ZNF547: variants seen among roughly 807,000 people sequenced by gnomAD.
The protein encoded by ZNF547 is zinc finger protein 547.
A neutral mutation model predicts 7.7 loss-of-function variants in ZNF547; 4 were observed. The ratio of observed to expected loss-of-function variants is 0.52; its 90% CI spans 0.26 to 1.20. The LOEUF (loss-of-function observed/expected upper bound fraction) is 1.20, where lower values mean the gene tolerates loss of function less well. Among genes scored for constraint, ZNF547 ranks in the 50% most tolerant of loss-of-function variants. The probability of loss-of-function intolerance (pLI) is 0.14; values close to 1 mark genes in which losing one functional copy is unlikely to be tolerated. For missense variants in ZNF547, 449 were observed against 485.8 expected (o/e 0.92, Z 0.71); for synonymous variants, 166 against 166.2 (o/e 1.00, Z 0.01).
At chr19:57,376,685 A>G (rs1335971087) in intron 3 of ZNF547, among the ~76,000 whole-genome samples, 4 of 152,146 alleles carry the variant, frequency 2.6e-5, no homozygotes, top group South Asian at 2.1e-4. Flanking sequence ...CTCCTTTTAA[A>G]TCATGGAGGT....
intron 1 of ZNF547, 105 bp from the exon 2 acceptor site, chr19:57,368,439 T>G (rs2123013357): frequency 8.9e-4 from 892 of 1,005,176 alleles, no homozygotes; most frequent in Non-Finnish European, 1.3e-3. Context: ...ACAATCAACT[T>G]GAGATCAGTT....
At chr19:57,372,825 C>G (rs1157832723) in intron 3 of ZNF547, among the ~76,000 whole-genome samples, 5 of 152,122 alleles carry the variant, frequency 3.3e-5, no homozygotes, top group Admixed American at 2.6e-4. Flanking sequence ...CTGTCACAAT[C>G]AGATCTCTCT....
intron 1 of ZNF547, among the ~76,000 whole-genome samples, chr19:57,366,056 G>T (rs1333252688): frequency 7.0e-6 from 1 of 143,686 alleles, no homozygotes; most frequent in African/African-American, 2.6e-5. Flanking sequence ...GTAAAGACGG[G>T]ATTTCACCAT....
chr19:57,367,163 A>G (rs1259807676), intron 1 of ZNF547, among the ~76,000 whole-genome samples: 1 of 152,142 alleles, frequency 6.6e-6, no homozygotes, highest in African/African-American at 2.4e-5. Flanking sequence ...TTACATTAAC[A>G]TTTGTACTCA....
chr19:57,370,707 C>T (rs1172770125), intron 2 of ZNF547, among the ~76,000 whole-genome samples: 6 of 152,300 alleles, frequency 3.9e-5, no homozygotes, highest in Admixed American at 3.3e-4. Flanking sequence ...AACTGGCTGG[C>T]AGGAGAGGAT....
intron 1 of ZNF547, among the ~76,000 whole-genome samples, chr19:57,366,998 G>A (rs1407045754): frequency 6.6e-6 from 1 of 152,164 alleles, no homozygotes; most frequent in African/African-American, 2.4e-5. Flanking sequence ...TGTAAAATAG[G>A]AGGCTGGGAG....
chr19:57,377,985 TC>T lies in ZNF547; in HGVS notation c.1011del (p.Val338SerfsTer96). ...ATGTGGGAAATTCTTCAGCTTGAAA[TC>T]CGTCCTCATTCAACACCAAAGAGTT... Reference protein sequence around the residue: ...NECGKFFSLKSVLIQHQRVHT... With the variant: ...NECGKFFSLKXVLIQHQRVHT... On this transcript the variant is annotated frameshift_variant, in exon 4 of 4. Coordinates refer to ENST00000282282, the MANE Select transcript of ZNF547 (RefSeq NM_173631.4). LOFTEE classifies it low-confidence loss of function (END_TRUNC). 1 of 1,614,108 alleles carries T rather than the reference TC, an allele frequency of 6.2e-7. No homozygotes were observed. The highest frequency in any genetic ancestry group is 8.5e-7 in the Non-Finnish European group (1 of 1,179,992).
At chr19:57,374,767 A>C (rs998275042) in intron 3 of ZNF547, among the ~76,000 whole-genome samples, 10 of 152,094 alleles carry the variant, frequency 6.6e-5, no homozygotes, top group African/African-American at 2.2e-4. Context: ...AGCAAGAGTC[A>C]CCTTTACTCC....
At chr19:57,368,306 G>C in intron 1 of ZNF547, 1 of 515,810 alleles carries the variant, frequency 1.9e-6, no homozygotes, top group Middle Eastern at 5.0e-4. Context: ...AGTCCTATGA[G>C]GTGGGAGCCA....
intron 1 of ZNF547, chr19:57,364,471 G>C (rs1220841755): frequency 6.1e-6 from 2 of 327,844 alleles, no homozygotes; most frequent in African/African-American, 4.3e-5. Context: ...GGCCGGGCGT[G>C]GTGGCTCACG....
At position 57,379,089 on chromosome 19, in the gene ZNF547, CTT is replaced by C. The variant is rs2088558230; in HGVS notation, c.*905_*906del. 1 of 162,358 alleles carries C rather than the reference CTT, an allele frequency of 6.2e-6. No homozygotes were observed. Among genetic ancestry groups the C allele is most frequent in the Non-Finnish European group, 1.3e-5 (1 of 74,602 alleles). 10.1% of individuals were successfully genotyped at this position (162,358 alleles called of 1,614,324 possible). A position where few individuals can be genotyped will look rare whatever the true frequency, so the allele number is the denominator to read the frequency against. ...TATTTCTGACATCTATTCATGGACA[CTT>C]GGGTTACTTCTACCTCTGGCTATTG... is the stretch of plus-strand genomic sequence containing the variant. On this transcript the variant is annotated 3_prime_UTR_variant, in exon 4 of 4. Transcript: ENST00000282282.
Position 57,377,187 on chromosome 19 carries a change from G to A in ZNF547, c.211G>A (p.Val71Met). Residue 71 changes from valine (V) to methionine (M), a missense_variant, in exon 4 of 4, where the codon GTG becomes ATG. Physicochemically the swap from Val to Met is conservative, Grantham distance 21 (BLOSUM62 1). Transcript: ENST00000282282. Reference sequence around the variant, plus strand: ...TTTAGAGCCAGGTGTTTCTGTAGGAGTGTCACAGGTCATGGCTCCAAAGCC... The same window carrying A: ...TTTAGAGCCAGGTGTTTCTGTAGGAATGTCACAGGTCATGGCTCCAAAGCC... The part of the protein sequence containing the change: ...APLEPGVSVG[V>M]SQVMAPKPCL... 6.2e-7 allele frequency: 1 copy of A among 1,614,212 alleles called. No homozygotes were observed. The highest frequency in any genetic ancestry group is 8.5e-7 in the Non-Finnish European group (1 of 1,180,034).
Position 57,377,268 on chromosome 19 carries a change from G to C in ZNF547, c.292G>C (p.Asp98His). The change falls in exon 4 of 4, where the codon GAC becomes CAC. Residue 98 changes from aspartate (D) to histidine (H), a missense_variant. Coordinates refer to ENST00000282282, the MANE Select transcript of ZNF547 (RefSeq NM_173631.4). ...TGAGACATGTAGCTCACTTCTGAAG[G>C]ACATTCTGCGTCTGGCTGAGCATGA... is the stretch of plus-strand genomic sequence containing the variant. The part of the protein sequence containing the change: ...PCETCSSLLK[D>H]ILRLAEHDGT... 6.2e-7 allele frequency: 1 copy of C among 1,614,214 alleles called. No homozygotes were observed. The highest frequency in any genetic ancestry group is 8.5e-7 in the Non-Finnish European group (1 of 1,180,062).
chr19:57,365,745 G>T (rs1161038054), intron 1 of ZNF547, among the ~76,000 whole-genome samples: 3 of 151,736 alleles, frequency 2.0e-5, no homozygotes, highest in Admixed American at 6.6e-5. Flanking sequence ...CTGACCTCGT[G>T]ATCTGCCTGC....
chr19:57,372,577 G>C (rs1478276815), intron 3 of ZNF547, among the ~76,000 whole-genome samples: 1 of 152,180 alleles, frequency 6.6e-6, no homozygotes, highest in Non-Finnish European at 1.5e-5. Flanking sequence ...TATCACAGCT[G>C]GGGTCATATT....
chr19:57,365,484 A>G (rs1167071180), intron 1 of ZNF547: 2 of 455,816 alleles, frequency 4.4e-6, no homozygotes, highest in African/African-American at 2.1e-5. Context: ...TAAAGAACTC[A>G]TTATCAATAA....
intron 2 of ZNF547, among the ~76,000 whole-genome samples, chr19:57,369,464 G>A (rs1043546869): frequency 3.9e-5 from 6 of 152,212 alleles, no homozygotes; most frequent in Non-Finnish European, 8.8e-5. Flanking sequence ...AGGAGTTCAG[G>A]TTGGAGACGT....
chr19:57,369,922 T>TTTTTTTTTTTC (rs1479598262), intron 2 of ZNF547, among the ~76,000 whole-genome samples: 1 of 143,378 alleles, frequency 7.0e-6, no homozygotes, highest in Non-Finnish European at 1.5e-5. Flanking sequence ...TTTTTTTTTT[T>TTTTTTTTTTTC]TGAGATGTGG....
At chr19:57,373,290 C>T (rs1289909957) in intron 3 of ZNF547, among the ~76,000 whole-genome samples, 1 of 152,168 alleles carries the variant, frequency 6.6e-6, no homozygotes, top group Non-Finnish European at 1.5e-5. Flanking sequence ...TACTCAGTTT[C>T]ATGAGAACGG....
Sources: gnomAD v4.1 joint callset for allele counts (sites outside exome capture counted in the v4.1 genomes callset) on GRCh38, gnomAD v4.1.1 for gene constraint, MANE v1.5 for transcripts, NCBI Gene and HGNC (gene_info 2026-07-23, HGNC 2026-07-21) for gene names.